The following DNAL1 variants were observed in gnomAD, a reference collection of about 807,000 sequenced individuals.
DNAL1 encodes the protein chromosome 14 open reading frame 168.
A neutral mutation model predicts 29.4 loss-of-function variants in DNAL1; 17 were observed. The observed-to-expected ratio is 0.58, with a 90% confidence interval of 0.40 to 0.87. The LOEUF (loss-of-function observed/expected upper bound fraction) is 0.87. DNAL1 is among the 40% of genes least tolerant of loss of function. The pLI, the probability that DNAL1 is intolerant of heterozygous loss-of-function variation, is 0.00. For synonymous variants in DNAL1, 78 were observed against 76.3 expected (o/e 1.02, Z -0.12); for missense variants, 188 against 214.1 (o/e 0.88, Z 0.76).
chr14:73,684,704 G>GGC (rs1891970909), intron 5 of DNAL1, among the ~76,000 whole-genome samples: 1 of 152,036 alleles, frequency 6.6e-6, no homozygotes, highest in Non-Finnish European at 1.5e-5. Flanking sequence ...GACCAGCCTA[G>GGC]ACAACATAGT....
chr14:73,694,754 A>G (rs1028896160), intron 7 of DNAL1, among the ~76,000 whole-genome samples: 2 of 149,380 alleles, frequency 1.3e-5, no homozygotes, highest in African/African-American at 5.0e-5. Context: ...CAATGGCATG[A>G]TCTTGGTTCA....
chr14:73,670,494 G>C (rs1036271710), intron 4 of DNAL1, among the ~76,000 whole-genome samples: 1 of 152,034 alleles, frequency 6.6e-6, no homozygotes, highest in African/African-American at 2.4e-5. Context: ...GAGGTTTCCT[G>C]GGTGTTTCAA....
Position 73,695,757 on chromosome 14 carries a change from G to A in DNAL1, c.533-145G>A, listed in dbSNP as rs1181586931. On this transcript the variant is annotated intron_variant, in intron 7 of 7. Coordinates refer to ENST00000553645, the MANE Select transcript of DNAL1 (RefSeq NM_031427.4). ...TTGGCCAGGATGGTCTTGAACTCCT[G>A]ACCTCAGGTGATCCACCCGCCTCAG... The A allele has an allele frequency of 7.8e-6, 4 of 515,224 alleles. No homozygotes were observed. In the African/African-American group the frequency reaches 7.9e-5, roughly 10 times the overall value. 31.9% of individuals were successfully genotyped at this position (515,224 alleles called of 1,614,324 possible). A position where few individuals can be genotyped will look rare whatever the true frequency, so the allele number is the denominator to read the frequency against.
At chr14:73,651,322 T>G in intron 1 of DNAL1, 1 of 152,148 alleles carries the variant, frequency 6.6e-6, no homozygotes, top group East Asian at 1.9e-4. Flanking sequence ...AAATCCATGT[T>G]GAAAAGTAAA....
At chr14:73,692,341 G>A (rs557697007) in intron 7 of DNAL1, among the ~76,000 whole-genome samples, 76 of 152,104 alleles carry the variant, frequency 5.0e-4, no homozygotes, top group African/African-American at 1.7e-3. Flanking sequence ...AATTAGCTGC[G>A]TGTGGTGGCA....
intron 5 of DNAL1, among the ~76,000 whole-genome samples, chr14:73,686,619 T>C (rs542660303): frequency 1.3e-5 from 2 of 152,222 alleles, no homozygotes; most frequent in Non-Finnish European, 2.9e-5. Context: ...GGTGAGAGGA[T>C]TGCTTGAGCC....
intron 7 of DNAL1, among the ~76,000 whole-genome samples, chr14:73,692,308 C>T (rs1290585460): frequency 2.0e-5 from 3 of 152,018 alleles, no homozygotes; most frequent in Non-Finnish European, 2.9e-5. Flanking sequence ...CTGGTGAAAC[C>T]CTGTCTCTAC....
At chr14:73,677,389 C>T (rs1891760690) in intron 5 of DNAL1, among the ~76,000 whole-genome samples, 1 of 151,328 alleles carries the variant, frequency 6.6e-6, no homozygotes. Context: ...AGGCTGAACT[C>T]AAACTCCTGG....
intron 1 of DNAL1, among the ~76,000 whole-genome samples, chr14:73,646,281 A>T (rs1890975264): frequency 6.6e-6 from 1 of 152,264 alleles, no homozygotes; most frequent in Non-Finnish European, 1.5e-5. Flanking sequence ...TAATGATGAC[A>T]GGGATACATT....
intron 3 of DNAL1, among the ~76,000 whole-genome samples, chr14:73,659,285 C>T (rs1891287531): frequency 6.6e-6 from 1 of 151,776 alleles, no homozygotes; most frequent in African/African-American, 2.4e-5. Context: ...CCTCAGCCTC[C>T]CGGGTAGCTG....
chr14:73,670,774 T>C (rs1891600516), intron 4 of DNAL1, among the ~76,000 whole-genome samples: 2 of 152,068 alleles, frequency 1.3e-5, no homozygotes, highest in Admixed American at 1.3e-4. Context: ...TCTCGCTCTG[T>C]CGCCCAGGCT....
At chr14:73,655,510 AT>A (rs1364853113) in intron 2 of DNAL1, among the ~76,000 whole-genome samples, 1 of 150,964 alleles carries the variant, frequency 6.6e-6, no homozygotes, top group Admixed American at 6.6e-5. Flanking sequence ...TGCCCGGCTA[AT>A]TTTTTTTGTA....
At chr14:73,647,085 A>G (rs987872635) in intron 1 of DNAL1, among the ~76,000 whole-genome samples, 3 of 152,006 alleles carry the variant, frequency 2.0e-5, no homozygotes, top group Non-Finnish European at 4.4e-5. Flanking sequence ...GGGGCAGGGC[A>G]CGGTGGCTCA....
intron 5 of DNAL1, among the ~76,000 whole-genome samples, chr14:73,686,071 CA>C (rs1892013830): frequency 3.3e-5 from 5 of 152,156 alleles, no homozygotes; most frequent in Non-Finnish European, 7.3e-5. Context: ...CAACCGTGTA[CA>C]AGGTTCCAAT....
At chr14:73,654,726 T>A in intron 1 of DNAL1, 121 bp from the exon 2 acceptor site, 2 of 912,278 alleles carry the variant, frequency 2.2e-6, no homozygotes, top group Non-Finnish European at 3.1e-6. Flanking sequence ...GCCATTGCAC[T>A]CCAGCCTGGG....
chr14:73,648,673 C>G (rs925545953), intron 1 of DNAL1, among the ~76,000 whole-genome samples: 27 of 150,868 alleles, frequency 1.8e-4, no homozygotes, highest in African/African-American at 5.6e-4. Context: ...CCTCGGCCTC[C>G]CAAAATGCTG....
At chr14:73,658,039 C>T (rs1321689224) in intron 2 of DNAL1, among the ~76,000 whole-genome samples, 1 of 152,148 alleles carries the variant, frequency 6.6e-6, no homozygotes, top group Non-Finnish European at 1.5e-5. Flanking sequence ...AGTTTTGAGT[C>T]TTACCTTTAA....
intron 4 of DNAL1, among the ~76,000 whole-genome samples, chr14:73,671,108 C>G (rs946870609): frequency 6.6e-6 from 1 of 151,968 alleles, no homozygotes; most frequent in Admixed American, 6.6e-5. Flanking sequence ...TTTTAAATAC[C>G]AAATTTATTT....
intron 5 of DNAL1, among the ~76,000 whole-genome samples, 161 bp downstream of exon 5, chr14:73,671,758 A>G (rs1462765872): frequency 1.3e-5 from 2 of 152,204 alleles, no homozygotes; most frequent in East Asian, 3.8e-4. Flanking sequence ...TAGGTTTGCA[A>G]CAACCTGTAC....
Sources: gnomAD v4.1 joint callset for allele counts (sites outside exome capture counted in the v4.1 genomes callset) on GRCh38, gnomAD v4.1.1 for gene constraint, MANE v1.5 for transcripts, NCBI Gene and HGNC (gene_info 2026-07-23, HGNC 2026-07-21) for gene names.